RAB23: variants seen among roughly 807,000 people sequenced by gnomAD.
RAB23 encodes RAB23, member RAS oncogene family, also known as ras-related protein Rab-23.
Under a neutral mutation model 30.0 loss-of-function variants are expected in RAB23, and 15 were observed. The ratio of observed to expected loss-of-function variants is 0.50; its 90% CI spans 0.33 to 0.77. The LOEUF is 0.77. RAB23 is among the 30% of genes least tolerant of loss of function. The probability of loss-of-function intolerance (pLI) is 0.02; values close to 1 mark genes in which losing one functional copy is unlikely to be tolerated. For missense variants in RAB23, 243 were observed against 275.4 expected (o/e 0.88, Z 0.83); for synonymous variants, 93 against 94.0 (o/e 0.99, Z 0.06).
chr6:57,221,487 A>C (rs538881501), intron 1 of RAB23: 1 of 152,766 alleles, frequency 6.5e-6, no homozygotes, highest in East Asian at 1.9e-4. Context: ...TCGCGGGTAA[A>C]GAGTGGTCGC....
At chr6:57,194,052 C>A in intron 5 of RAB23, 118 bp from the exon 6 acceptor site, 1 of 1,407,570 alleles carries the variant, frequency 7.1e-7, no homozygotes, top group Non-Finnish European at 9.5e-7. Flanking sequence ...CAATTAGGAG[C>A]ATACAATCTA....
At chr6:57,219,456 C>A (rs1765976578) in intron 1 of RAB23, among the ~76,000 whole-genome samples, 1 of 152,186 alleles carries the variant, frequency 6.6e-6, no homozygotes, top group African/African-American at 2.4e-5. Flanking sequence ...CCAAATTTTT[C>A]TGTATCCACA....
chr6:57,193,717 C>A, intron 6 of RAB23, 125 bp downstream of exon 6: 1 of 1,333,490 alleles, frequency 7.5e-7, no homozygotes, highest in South Asian at 1.5e-5. Context: ...AGACCTGATA[C>A]TTAAATCACT....
intron 1 of RAB23, among the ~76,000 whole-genome samples, chr6:57,212,907 ACCTGATG>A (rs1220935016): frequency 6.6e-6 from 1 of 151,616 alleles, no homozygotes; most frequent in Admixed American, 6.6e-5. Context: ...CAAACAAAAA[ACCTGATG>A]CCTGATGCCT....
At chr6:57,220,151 G>A (rs1194915678) in intron 1 of RAB23, among the ~76,000 whole-genome samples, 1 of 152,106 alleles carries the variant, frequency 6.6e-6, no homozygotes, top group Non-Finnish European at 1.5e-5. Context: ...ATGAACACAT[G>A]AAAACATGTA....
intron 2 of RAB23, among the ~76,000 whole-genome samples, chr6:57,208,177 CAT>C (rs1329587314): frequency 6.6e-6 from 1 of 152,166 alleles, no homozygotes; most frequent in Admixed American, 6.6e-5. Flanking sequence ...CAGCTTCCCA[CAT>C]GATTTGGATT....
At chr6:57,211,848 C>T (rs999377337) in intron 1 of RAB23, among the ~76,000 whole-genome samples, 5 of 152,216 alleles carry the variant, frequency 3.3e-5, no homozygotes, top group Non-Finnish European at 7.3e-5. Flanking sequence ...GGCTACTGCT[C>T]CTTTAGCTAT....
At chr6:57,207,748 G>A in intron 2 of RAB23, 35 bp from the exon 3 acceptor site, 1 of 1,404,378 alleles carries the variant, frequency 7.1e-7, no homozygotes, top group Non-Finnish European at 1.0e-6. Flanking sequence ...CATATGTAAA[G>A]GAAAATGTTT....
chr6:57,200,470 G>A (rs1276890986), intron 3 of RAB23, among the ~76,000 whole-genome samples: 1 of 148,530 alleles, frequency 6.7e-6, no homozygotes, highest in African/African-American at 2.5e-5. Flanking sequence ...CCTGGAGGAG[G>A]AGGTTGCAAT....
chr6:57,209,498 C>T (rs1393499488), intron 2 of RAB23, among the ~76,000 whole-genome samples: 1 of 152,144 alleles, frequency 6.6e-6, no homozygotes, highest in Non-Finnish European at 1.5e-5. Context: ...TAATAGAATA[C>T]AGACTAGAAA....
Position 57,210,324 on chromosome 6 carries a change from T to C in RAB23, c.57A>G (p.Ala19=), listed in dbSNP as rs750598308. The change falls in exon 2 of 7, where the codon GCA becomes GCG. Residue 19 remains alanine, a synonymous_variant. Coordinates refer to ENST00000468148, the MANE Select transcript of RAB23 (RefSeq NM_016277.5). ...GCTGAATCATACTTGATTTTCCAAC[T>C]GCTCCATTCCCTACAACCACCATCT... ...AIKMVVVGNG[A]VGKSSMIQRY... 1.2e-6 allele frequency: 2 copies of C among 1,613,946 alleles called. No homozygotes were observed. The highest frequency in any genetic ancestry group is 4.5e-5 in the East Asian group (2 of 44,882).
intron 1 of RAB23, among the ~76,000 whole-genome samples, chr6:57,218,787 G>C (rs1765943384): frequency 6.6e-6 from 1 of 151,928 alleles, no homozygotes; most frequent in African/African-American, 2.4e-5. Flanking sequence ...GGGAGGCAGA[G>C]GTTGCAGTGA....
chr6:57,204,347 T>C (rs766953744), intron 3 of RAB23, among the ~76,000 whole-genome samples: 17 of 152,184 alleles, frequency 1.1e-4, no homozygotes, highest in Non-Finnish European at 2.4e-4. Flanking sequence ...ACTGCTTCTC[T>C]GATAATCCAG....
chr6:57,216,473 G>A (rs1765840189), intron 1 of RAB23, among the ~76,000 whole-genome samples: 2 of 152,156 alleles, frequency 1.3e-5, no homozygotes, highest in African/African-American at 4.8e-5. Context: ...CAAGTACCCA[G>A]ATAGAACATA....
intron 3 of RAB23, among the ~76,000 whole-genome samples, chr6:57,205,207 A>C (rs1343195268): frequency 1.3e-5 from 2 of 151,490 alleles, no homozygotes; most frequent in Non-Finnish European, 2.9e-5. Flanking sequence ...ACATACACAT[A>C]TATTAAGTGT....
At chr6:57,208,171 T>C (rs1322932056) in intron 2 of RAB23, among the ~76,000 whole-genome samples, 3 of 152,142 alleles carry the variant, frequency 2.0e-5, no homozygotes, top group Non-Finnish European at 4.4e-5. Context: ...AAGCTACAGC[T>C]TCCCACATGA....
At chr6:57,215,802 T>G (rs1765814287) in intron 1 of RAB23, among the ~76,000 whole-genome samples, 1 of 152,100 alleles carries the variant, frequency 6.6e-6, no homozygotes, top group Non-Finnish European at 1.5e-5. Context: ...GAAAAAAAAA[T>G]TATAAAACTG....
intron 3 of RAB23, among the ~76,000 whole-genome samples, chr6:57,198,594 T>C (rs973888157): frequency 1.3e-5 from 2 of 152,022 alleles, no homozygotes; most frequent in Non-Finnish European, 2.9e-5. Context: ...GGTGGGAGGA[T>C]TGCTTGAGCC....
At chr6:57,197,703 A>G (rs1481606729) in intron 3 of RAB23, among the ~76,000 whole-genome samples, 1 of 152,158 alleles carries the variant, frequency 6.6e-6, no homozygotes, top group Non-Finnish European at 1.5e-5. Flanking sequence ...CAGAAGGTTC[A>G]TTTGGAAAAT....
Sources: allele counts gnomAD v4.1 joint callset (sites outside exome capture counted in the v4.1 genomes callset), GRCh38; gene constraint gnomAD v4.1.1; transcripts MANE v1.5; gene names NCBI Gene and HGNC (gene_info 2026-07-23, HGNC 2026-07-21).